Variants in CUX1 observed in about 807,000 individuals in gnomAD.
The protein encoded by CUX1 is protein CASP.
A neutral mutation model predicts 158.8 loss-of-function variants in CUX1; 31 were observed. The ratio of observed to expected loss-of-function variants is 0.20; its 90% CI spans 0.15 to 0.26. CUX1 has a LOEUF of 0.26. CUX1 is among the 10% of genes least tolerant of loss of function. The pLI is 1.00. For missense variants in CUX1, 1,589 were observed against 2,014.6 expected (o/e 0.79, Z 4.04); for synonymous variants, 879 against 862.1 (o/e 1.02, Z -0.34).
rs933396583 is a variant in CUX1 at position 102,237,615 on chromosome 7, T to C, written c.3623-1705T>C. The stretch of plus-strand genomic sequence containing the variant: ...CAGGATTCAGTTTAAACATCATCTC[T>C]TCTAGGCAACTTCCCCTTCTGCCTC... On this transcript the variant is annotated intron_variant, in intron 22 of 23. Coordinates refer to ENST00000292535, the MANE Select transcript of CUX1 (RefSeq NM_181552.4). Among the ~76,000 whole-genome samples, 21 of 152,174 alleles carry C rather than the reference T, an allele frequency of 1.4e-4. 1 individual carries two copies. Among genetic ancestry groups the C allele is most frequent in the Admixed American group, 1.3e-3 (20 of 15,278 alleles).
Position 101,913,147 on chromosome 7 carries a change from G to A in CUX1, c.31-2968G>A, listed in dbSNP as rs909025794. 1.6e-5 allele frequency: 4 copies of A among 252,046 alleles called. No homozygotes were observed. In the Admixed American group the frequency reaches 2.0e-4, roughly 13 times the overall value. 15.6% of individuals were successfully genotyped at this position (252,046 alleles called of 1,614,324 possible). A position where few individuals can be genotyped will look rare whatever the true frequency, so the allele number is the denominator to read the frequency against. ...ACTGGTTTTTATGTGTGTGTGTGTT[G>A]TTTTTTAAAAAAATTTTCTCCAAGG... On this transcript the variant is annotated intron_variant, in intron 1 of 23. Coordinates refer to ENST00000292535, the MANE Select transcript of CUX1 (RefSeq NM_181552.4).
chr7:102,083,332 G>C (rs953166228), intron 4 of CUX1, among the ~76,000 whole-genome samples: 1 of 146,822 alleles, frequency 6.8e-6, no homozygotes, highest in Non-Finnish European at 1.5e-5. Flanking sequence ...TTGGAGACAG[G>C]GTCTTGCTCT....
At chr7:102,234,273 G>A (rs377357481) in intron 22 of CUX1, 33 bp downstream of exon 22, 40 of 1,473,144 alleles carry the variant, frequency 2.7e-5, no homozygotes, top group East Asian at 1.8e-4. Flanking sequence ...GGCCGGCTGC[G>A]TCCGCATTCA....
chr7:102,195,393 G>A (rs999032651), intron 13 of CUX1, 114 bp from the exon 14 acceptor site: 3 of 771,488 alleles, frequency 3.9e-6, no homozygotes, highest in Non-Finnish European at 6.1e-6. Context: ...TAATCAGATC[G>A]AGAGCTGGGT....
intron 2 of CUX1, among the ~76,000 whole-genome samples, chr7:101,957,988 G>A (rs1809976397): frequency 1.3e-5 from 2 of 152,144 alleles, no homozygotes; most frequent in Non-Finnish European, 2.9e-5. Flanking sequence ...GTCCCTACCC[G>A]TGTAATGGGG....
At chr7:101,870,152 TG>T (rs71119787) in intron 1 of CUX1, among the ~76,000 whole-genome samples, 762 of 48,540 alleles carry the variant, frequency 0.016, 72 homozygotes, top group East Asian at 0.026. Context: ...GTGTTTTTTT[TG>T]TTTTTTTTTT....
At chr7:101,945,355 GAAAAT>G (rs1331071600) in intron 2 of CUX1, among the ~76,000 whole-genome samples, 2 of 152,052 alleles carry the variant, frequency 1.3e-5, no homozygotes, top group African/African-American at 2.4e-5. Context: ...TTCTTGCCAG[GAAAAT>G]AAAATAAATT....
At chr7:102,058,655 G>A (rs1333280024) in intron 3 of CUX1, among the ~76,000 whole-genome samples, 2 of 152,106 alleles carry the variant, frequency 1.3e-5, no homozygotes, top group Non-Finnish European at 2.9e-5. Context: ...TATTGATCTT[G>A]CATTGTGAAA....
intron 20 of CUX1, among the ~76,000 whole-genome samples, chr7:102,212,272 T>C (rs1183505806): frequency 1.3e-5 from 2 of 152,184 alleles, no homozygotes; most frequent in African/African-American, 2.4e-5. Flanking sequence ...CAGCCCACTT[T>C]AGGTTTTGTT....
downstream of CUX1, among the ~76,000 whole-genome samples, chr7:102,260,570 CTTTTTTTT>C (rs55642237): frequency 2.0e-5 from 1 of 51,050 alleles, no homozygotes; most frequent in South Asian, 1.5e-3. Flanking sequence ...CCACACCTGG[CTTTTTTTT>C]TTTTTTTTTT....
intron 23 of CUX1, among the ~76,000 whole-genome samples, chr7:102,243,356 C>T (rs1800426538): frequency 6.6e-6 from 1 of 152,072 alleles, no homozygotes; most frequent in Non-Finnish European, 1.5e-5. Flanking sequence ...CACAACAAAG[C>T]AGGCTGGGCT....
chr7:102,262,505 G>A (rs1051119574), downstream of CUX1, among the ~76,000 whole-genome samples: 1 of 152,232 alleles, frequency 6.6e-6, no homozygotes, highest in Non-Finnish European at 1.5e-5. Flanking sequence ...GCAGGGCAGA[G>A]CCTGGAAGGA....
chr7:102,063,740 T>C (rs1195454322), intron 3 of CUX1, among the ~76,000 whole-genome samples: 1 of 152,182 alleles, frequency 6.6e-6, no homozygotes, highest in Non-Finnish European at 1.5e-5. Context: ...TAAACCTGGA[T>C]TCCTGAACCC....
Position 101,848,051 on chromosome 7 carries a change from CAAAAAA to C in CUX1, c.30+30401_30+30406del, listed in dbSNP as rs57428019. 1.7e-4 allele frequency among the ~76,000 whole-genome samples: 11 copies of C among 65,374 alleles called. No individual in the cohort carries two copies. In the Admixed American group the frequency reaches 1.9e-3, roughly 11 times the overall value. The allele number at this position is 65,374 out of a possible 152,430, so 42.9% of individuals were successfully genotyped here. On this transcript the variant is annotated intron_variant, in intron 1 of 23. Transcript: ENST00000292535. Reference sequence around the variant, plus strand: ...CCAGCCTGGGCAACAGAGCAAGACTCAAAAAAAAAAAAAAAAAAAAAAAAGAAAAGA... The same window carrying C: ...CCAGCCTGGGCAACAGAGCAAGACTCAAAAAAAAAAAAAAAAAAGAAAAGA...
At chr7:102,035,651 C>CCA (rs1821344661) in intron 3 of CUX1, among the ~76,000 whole-genome samples, 1 of 15,412 alleles carries the variant, frequency 6.5e-5, no homozygotes, top group Non-Finnish European at 1.1e-4. Context: ...AGATAGCCAG[C>CCA]CAAAAAAAAA....
chr7:101,868,496 C>T (rs996217980), intron 1 of CUX1, among the ~76,000 whole-genome samples: 2 of 152,188 alleles, frequency 1.3e-5, no homozygotes, highest in African/African-American at 4.8e-5. Flanking sequence ...GTTGGGGACC[C>T]TTTGCTCATC....
Position 102,201,672 on chromosome 7 carries a change from C to T in CUX1, c.2375C>T (p.Pro792Leu), listed in dbSNP as rs375614595. The T allele has an allele frequency of 1.9e-6, 3 of 1,612,778 alleles. No individual in the cohort carries two copies. Among genetic ancestry groups the T allele is most frequent in the Non-Finnish European group, 2.5e-6 (3 of 1,179,880 alleles). The change falls in exon 18 of 24, where the codon CCC (proline) becomes CTC (leucine). Residue 792 changes from proline to leucine, a missense_variant. By Grantham distance (98) the Pro-to-Leu change is moderately conservative (BLOSUM62 -3). This residue lies in a region of CUX1 where 337 missense variants were observed against 409.3 expected (regional missense o/e 0.82). Transcript: ENST00000292535. This position sits in a 1 kb window ranked among gnomAD's most constrained non-coding sequence, Gnocchi z 5.0. Reference sequence around the variant, plus strand: ...CTCAAAAAGGAGGCCCAGGACGCCCCCGGGCTGGACCCCCAGGGAGCAGCC... The same window carrying T: ...CTCAAAAAGGAGGCCCAGGACGCCCTCGGGCTGGACCCCCAGGGAGCAGCC... ...PALKKEAQDA[P>L]GLDPQGAADC... is the part of the protein sequence containing the mutation.
rs1794686801 is a variant in CUX1, at chr7:102,195,376, CACT to C, written c.1126-130_1126-128del. The stretch of plus-strand genomic sequence containing the variant: ...GGGGGGAAATCAGCTGTCCGCAGCC[CACT>C]TCCTAATCAGATCGAGAGCTGGGTG... On this transcript the variant is annotated intron_variant, in intron 13 of 23. Transcript: ENST00000292535. The C allele has an allele frequency of 6.4e-6, 4 of 622,266 alleles. No homozygotes were observed. In the Admixed American group the frequency reaches 1.4e-4, roughly 21 times the overall value. The allele number at this position is 622,266 out of a possible 1,614,324, so 38.5% of individuals were successfully genotyped here.
chr7:102,134,253 C>T (rs1240376873), intron 8 of CUX1, among the ~76,000 whole-genome samples: 5 of 152,166 alleles, frequency 3.3e-5, no homozygotes, highest in Non-Finnish European at 7.4e-5. Flanking sequence ...AGGAGAATCG[C>T]TTGAACCCGG....
Sources: gnomAD v4.1 joint callset for allele counts (sites outside exome capture counted in the v4.1 genomes callset) on GRCh38, gnomAD v4.1.1 for gene constraint, gnomAD v4.1.1 regional missense constraint, Gnocchi (gnomAD v3.1) non-coding constraint, MANE v1.5 for transcripts, NCBI Gene and HGNC (gene_info 2026-07-23, HGNC 2026-07-21) for gene names.